Variants in PCDH15 observed in about 807,000 individuals in gnomAD.
The protein encoded by PCDH15 is protocadherin related 15.
A neutral mutation model predicts 178.5 loss-of-function variants in PCDH15; 129 were observed. That is an observed-to-expected ratio of 0.72 (90% CI 0.63 to 0.84). The LOEUF (loss-of-function observed/expected upper bound fraction) is 0.84. PCDH15 is among the 40% of genes least tolerant of loss of function. The pLI is 0.00. For synonymous variants in PCDH15, 800 were observed against 732.0 expected (o/e 1.09, Z -1.50); for missense variants, 2,230 against 2,099.9 (o/e 1.06, Z -1.21).
At position 54,424,109 on chromosome 10, in the gene PCDH15, A is replaced by G. The variant is rs570060551; in HGVS notation, c.158-45167T>C. ...AGAATGGGAGAAAAGTTTGCAATCT[A>G]CTTATCTGACAAAGGGCTAATATCC... On this transcript the variant is annotated intron_variant, in intron 3 of 37. Coordinates refer to ENST00000644397, the MANE Select transcript of PCDH15 (RefSeq NM_001384140.1). Among the ~76,000 whole-genome samples the G allele has an allele frequency of 1.2e-4, 18 of 152,034 alleles. No homozygotes were observed. The South Asian group carries it at 3.5e-3, about 30-fold the overall frequency.
intron 2 of PCDH15, among the ~76,000 whole-genome samples, chr10:54,914,078 A>C (rs1351010323): frequency 6.6e-6 from 1 of 152,106 alleles, no homozygotes; most frequent in East Asian, 1.9e-4. Context: ...GAAAGGCATA[A>C]TTGTGTTTTG....
At position 54,413,758 on chromosome 10, in the gene PCDH15, T is replaced by C. The variant is rs537425254; in HGVS notation, c.158-34816A>G. Among the ~76,000 whole-genome samples the C allele has an allele frequency of 3.3e-5, 5 of 152,306 alleles. No homozygotes were observed. The East Asian group carries it at 9.7e-4, about 29-fold the overall frequency. On this transcript the variant is annotated intron_variant, in intron 3 of 37. Coordinates refer to ENST00000644397, the MANE Select transcript of PCDH15 (RefSeq NM_001384140.1). ...GTCTATGTCTGTCTGTATACATTAT[T>C]CAGCTCCCACTTATAAGTGAGAACA... is the stretch of plus-strand genomic sequence containing the variant.
chr10:55,071,594 A>C (rs1287397638), intron 2 of PCDH15, among the ~76,000 whole-genome samples: 1 of 152,176 alleles, frequency 6.6e-6, no homozygotes, highest in Admixed American at 6.6e-5. Flanking sequence ...CAGATTCATA[A>C]AGCAAGTCCT....
chr10:54,261,573 A>G (rs921054196), intron 8 of PCDH15, among the ~76,000 whole-genome samples: 2 of 152,116 alleles, frequency 1.3e-5, no homozygotes, highest in African/African-American at 4.8e-5. Context: ...TTAGATTTGT[A>G]CCTGATAACC....
At chr10:54,148,419 T>C (rs1380729586) in intron 14 of PCDH15, among the ~76,000 whole-genome samples, 1 of 152,088 alleles carries the variant, frequency 6.6e-6, no homozygotes, top group Non-Finnish European at 1.5e-5. Context: ...ATCTCGAGAT[T>C]ACTTGTAATA....
At chr10:54,915,305 T>A (rs985377310) in intron 2 of PCDH15, among the ~76,000 whole-genome samples, 1 of 152,152 alleles carries the variant, frequency 6.6e-6, no homozygotes, top group South Asian at 2.1e-4. Flanking sequence ...CAAAGCTTCA[T>A]TTTTTAGTCA....
chr10:55,196,358 A>G (rs919968213), intron 1 of PCDH15, among the ~76,000 whole-genome samples: 3 of 152,018 alleles, frequency 2.0e-5, no homozygotes, highest in Admixed American at 6.6e-5. Flanking sequence ...GACACCACTT[A>G]CCTTTCAATG....
At chr10:53,832,576 TA>T (rs1037182730) in intron 29 of PCDH15, among the ~76,000 whole-genome samples, 8 of 151,946 alleles carry the variant, frequency 5.3e-5, no homozygotes, top group African/African-American at 1.9e-4. Context: ...TTAAGTCTAA[TA>T]TTTTTTTGGA....
At chr10:54,146,239 A>G (rs144734822) in intron 14 of PCDH15, among the ~76,000 whole-genome samples, 1 of 152,194 alleles carries the variant, frequency 6.6e-6, no homozygotes, top group Non-Finnish European at 1.5e-5. Flanking sequence ...TATAATCACA[A>G]TGGGAAAATA....
At chr10:55,238,145 CTTTTTTTTTTT>C (rs758000610) in intron 1 of PCDH15, among the ~76,000 whole-genome samples, 2 of 124,460 alleles carry the variant, frequency 1.6e-5, no homozygotes, top group African/African-American at 6.0e-5. Context: ...TTCATATTTT[CTTTTTTTTTTT>C]TTTTTTTTTG....
chr10:55,434,260 CG>C (rs1838975703), intron 2 of PCDH15, among the ~76,000 whole-genome samples: 1 of 151,434 alleles, frequency 6.6e-6, no homozygotes, highest in African/African-American at 2.4e-5. Context: ...TTAGTAGAGA[CG>C]GGGTTTCACT....
chr10:54,246,230 C>G (rs184855973), intron 8 of PCDH15, among the ~76,000 whole-genome samples: 2,052 of 151,942 alleles, frequency 0.014, 59 homozygotes, highest in African/African-American at 0.046. Flanking sequence ...CAAATTATTA[C>G]AAAGTTATAA....
chr10:55,328,741 A>G (rs1844103555), intron 2 of PCDH15, among the ~76,000 whole-genome samples: 1 of 151,084 alleles, frequency 6.6e-6, no homozygotes, highest in African/African-American at 2.4e-5. Flanking sequence ...TTTACATAAT[A>G]TTTACATTTT....
intron 23 of PCDH15, among the ~76,000 whole-genome samples, chr10:53,942,758 C>T (rs989599225): frequency 1.2e-4 from 18 of 152,272 alleles, no homozygotes; most frequent in African/African-American, 4.3e-4. Context: ...CCCTGGATGA[C>T]ACCTTGATTA....
chr10:54,221,455 T>C (rs2052800704), intron 9 of PCDH15, among the ~76,000 whole-genome samples: 1 of 152,110 alleles, frequency 6.6e-6, no homozygotes. Flanking sequence ...ATGACTAAGA[T>C]AGTAAGCCTA....
At chr10:55,334,495 C>A (rs1054838948) in intron 2 of PCDH15, among the ~76,000 whole-genome samples, 1 of 149,816 alleles carries the variant, frequency 6.7e-6, no homozygotes, top group African/African-American at 2.4e-5. Flanking sequence ...TTAGTAAAGA[C>A]ATGGCTTCTC....
At chr10:54,488,005 G>A (rs2079249375) in intron 3 of PCDH15, among the ~76,000 whole-genome samples, 1 of 151,798 alleles carries the variant, frequency 6.6e-6, no homozygotes, top group South Asian at 2.1e-4. Flanking sequence ...GATAACCTGG[G>A]TTTTAAAGAA....
intron 26 of PCDH15, among the ~76,000 whole-genome samples, chr10:53,897,388 A>G (rs2082021831): frequency 6.6e-6 from 1 of 152,216 alleles, no homozygotes; most frequent in South Asian, 2.1e-4. Flanking sequence ...AAGAGCTTCA[A>G]AGGAATGAAT....
chr10:53,946,250 C>A (rs1263505970), intron 23 of PCDH15, among the ~76,000 whole-genome samples: 3 of 152,182 alleles, frequency 2.0e-5, no homozygotes, highest in African/African-American at 4.8e-5. Flanking sequence ...TGGAGGGAAG[C>A]ATTTGAGTTC....
Sources: gnomAD v4.1 joint callset for allele counts (sites outside exome capture counted in the v4.1 genomes callset) on GRCh38, gnomAD v4.1.1 for gene constraint, MANE v1.5 for transcripts, NCBI Gene and HGNC (gene_info 2026-07-23, HGNC 2026-07-21) for gene names.